EIF2B5: variants seen among roughly 807,000 people sequenced by gnomAD.
EIF2B5 encodes translation initiation factor eIF2B subunit epsilon.
In EIF2B5, 38 loss-of-function variants were observed where a neutral mutation model predicts 87.3. The ratio of observed to expected loss-of-function variants is 0.44; its 90% confidence interval spans 0.34 to 0.57. The LOEUF (loss-of-function observed/expected upper bound fraction) is 0.57. Ranked by LOEUF, EIF2B5 falls within the 20% of genes least tolerant of loss-of-function variation. EIF2B5 has a pLI of 0.02. For missense variants in EIF2B5, 784 were observed against 909.5 expected (o/e 0.86, Z 1.78); for synonymous variants, 313 against 339.6 (o/e 0.92, Z 0.86).
chr3:184,144,289 G>A, intron 14 of EIF2B5, 65 bp downstream of exon 14: 1 of 1,608,412 alleles, frequency 6.2e-7, no homozygotes, highest in Non-Finnish European at 8.5e-7. Context: ...TGACCCCCTT[G>A]GGAGACATAA....
At chr3:184,144,754 A>T (rs1367327007) in intron 15 of EIF2B5, 47 bp downstream of exon 15, 1 of 1,594,244 alleles carries the variant, frequency 6.3e-7, no homozygotes, top group Non-Finnish European at 8.6e-7. Flanking sequence ...TCTCATTCCC[A>T]GGTCCTGGCC....
chr3:184,143,576 A>G lies in EIF2B5; in HGVS notation c.1869+11A>G. 5 of 1,614,152 alleles carry G rather than the reference A, an allele frequency of 3.1e-6. No individual in the cohort carries two copies. The highest frequency in any genetic ancestry group is 4.2e-6 in the Non-Finnish European group (5 of 1,180,020). On this transcript the variant is annotated intron_variant, in intron 13 of 15. Transcript: ENST00000648915. ...GCCCTGCTGCTTCCTGTGAGCAAAGATTGGAGCTGAGTACAAGGGATTGGG... is the reference window on the plus strand; with the variant it reads ...GCCCTGCTGCTTCCTGTGAGCAAAGGTTGGAGCTGAGTACAAGGGATTGGG...
At chr3:184,141,364 T>C (rs1713627436) in intron 7 of EIF2B5, among the ~76,000 whole-genome samples, 1 of 151,716 alleles carries the variant, frequency 6.6e-6, no homozygotes, top group Non-Finnish European at 1.5e-5. Flanking sequence ...AGCCCAGGAG[T>C]TCAAGACCAG....
rs1687210 is a variant in EIF2B5, at chr3:184,144,870, C to T, written c.2107-14C>T. 6.2e-6 allele frequency: 10 copies of T among 1,613,322 alleles called. No homozygotes were observed. Among genetic ancestry groups the T allele is most frequent in the African/African-American group, 1.3e-5 (1 of 74,896 alleles). Reference sequence around the variant, plus strand: ...GCACCTCCCCCAGCCGATCTCTCCTCTGCTTCTTTACAGCTGCAGAGGTTC... The same window carrying T: ...GCACCTCCCCCAGCCGATCTCTCCTTTGCTTCTTTACAGCTGCAGAGGTTC... On this transcript the variant is annotated splice_polypyrimidine_tract_variant and intron_variant, in intron 15 of 15. Transcript: ENST00000648915.
At position 184,137,941 on chromosome 3, in the gene EIF2B5, A is replaced by G. The variant is rs1282408410; in HGVS notation, c.550A>G (p.Ile184Val). The G allele has an allele frequency of 2.5e-6, 4 of 1,614,184 alleles. No homozygotes were observed. The highest frequency in any genetic ancestry group is 3.4e-6 in the Non-Finnish European group (4 of 1,180,040). Residue 184 changes from isoleucine to valine, a missense_variant, in exon 4 of 16, where the codon ATC becomes GTC. Around this residue, in one of 3 missense-constraint regions of EIF2B5, gnomAD observed 660 missense variants for 789.5 expected, o/e 0.84. Coordinates refer to ENST00000648915, the MANE Select transcript of EIF2B5 (RefSeq NM_003907.3). ...AAAAAATGTTTCTGTGATGACGATG[A>G]TCTTCAAGGAGTCATCCCCCAGCCA... ...LEKNVSVMTMIFKESSPSHPT... is the reference protein window; with the variant it reads ...LEKNVSVMTMVFKESSPSHPT...
intron 7 of EIF2B5, among the ~76,000 whole-genome samples, chr3:184,141,671 A>C (rs947216449): frequency 2.0e-5 from 3 of 152,122 alleles, no homozygotes; most frequent in African/African-American, 7.2e-5. Flanking sequence ...TTTTGAGTTC[A>C]GAGGGTCCCC....
chr3:184,143,848 C>A (rs1713747467), intron 13 of EIF2B5: 4 of 683,158 alleles, frequency 5.9e-6, no homozygotes, highest in Non-Finnish European at 2.5e-6. Context: ...TTTGACCCAA[C>A]ACAAGATCAG....
chr3:184,140,257 TAGGA>T, intron 6 of EIF2B5, 100 bp downstream of exon 6: 1 of 1,439,000 alleles, frequency 6.9e-7, no homozygotes, highest in Non-Finnish European at 9.7e-7. Flanking sequence ...TATTGAGGCT[TAGGA>T]GGGAGGAAAA....
In EIF2B5 at chr3:184,144,498, G is replaced by T. The variant is rs898079092; in HGVS notation, c.1996-99G>T. The T allele has an allele frequency of 2.6e-6, 3 of 1,165,972 alleles. No homozygotes were observed. In the African/African-American group the frequency reaches 4.6e-5, roughly 18 times the overall value. The allele number at this position is 1,165,972 out of a possible 1,614,324, so 72.2% of individuals were successfully genotyped here. A position where few individuals can be genotyped will look rare whatever the true frequency, so the allele number is the denominator to read the frequency against. On this transcript the variant is annotated intron_variant, in intron 14 of 15. Coordinates refer to ENST00000648915, the MANE Select transcript of EIF2B5 (RefSeq NM_003907.3). Reference sequence around the variant, plus strand: ...GAACAGCTCACTCTTGTCCGTTTTGGAGGAGGCTACTCAGTGCATAGAGGG... The same window carrying T: ...GAACAGCTCACTCTTGTCCGTTTTGTAGGAGGCTACTCAGTGCATAGAGGG...
intron 7 of EIF2B5, among the ~76,000 whole-genome samples, chr3:184,141,467 G>T (rs1202022116): frequency 6.6e-6 from 1 of 152,136 alleles, no homozygotes; most frequent in East Asian, 1.9e-4. Context: ...TATTCGGGAG[G>T]CTGAGGCAGG....
intron 13 of EIF2B5, 172 bp from the exon 14 acceptor site, chr3:184,143,927 A>G: frequency 9.8e-7 from 1 of 1,015,924 alleles, no homozygotes; most frequent in South Asian, 1.4e-5. Context: ...TTCCCTAAGG[A>G]ATCTCTTTTT....
intron 7 of EIF2B5, among the ~76,000 whole-genome samples, chr3:184,141,653 A>G (rs1450036093): frequency 6.6e-6 from 1 of 152,120 alleles, no homozygotes; most frequent in Non-Finnish European, 1.5e-5. Context: ...TATGATTCTA[A>G]TAAGGTTTTT....
Position 184,142,260 on chromosome 3 carries a change from G to A in EIF2B5, c.1326G>A (p.Thr442=), listed in dbSNP as rs374000708. The A allele has an allele frequency of 4.3e-5, 70 of 1,613,850 alleles. No individual in the cohort carries two copies. Among genetic ancestry groups the A allele is most frequent in the Non-Finnish European group, 5.4e-5 (64 of 1,180,010 alleles). ...AGGTGGTCGTGGGCCCAAATATCAC[G>A]CTGCCTGAGGGCTCGGTGATCTCTT... ...TSQVVVGPNI[T]LPEGSVISLH... The change falls in exon 9 of 16, where the codon ACG becomes ACA. Residue 442 remains threonine, a synonymous_variant. Transcript: ENST00000648915. The surrounding 1 kb of genome is among the most constrained non-coding windows in gnomAD (Gnocchi z 5.0).
intron 2 of EIF2B5, chr3:184,137,126 C>T (rs1157568709): frequency 2.9e-6 from 1 of 345,306 alleles, no homozygotes; most frequent in Non-Finnish European, 5.5e-6. Context: ...TCTTTGTATT[C>T]CCACTGCCTA....
chr3:184,138,335 T>G (rs1032532201), intron 5 of EIF2B5, 89 bp downstream of exon 5: 23 of 1,156,848 alleles, frequency 2.0e-5, no homozygotes, highest in Non-Finnish European at 3.0e-5. Context: ...GGTATATTTC[T>G]TCTCCCTGTT....
At chr3:184,139,206 G>C (rs181688160) in intron 5 of EIF2B5, among the ~76,000 whole-genome samples, 29 of 151,704 alleles carry the variant, frequency 1.9e-4, no homozygotes, top group African/African-American at 7.0e-4. Flanking sequence ...CCTGACCTCA[G>C]GTGATCCTCC....
At position 184,142,271 on chromosome 3, in the gene EIF2B5, G is replaced by A. The variant is rs768960721; in HGVS notation, c.1337G>A (p.Gly446Asp). The A allele has an allele frequency of 1.2e-6, 2 of 1,614,118 alleles. No individual in the cohort carries two copies. Among genetic ancestry groups the A allele is most frequent in the African/African-American group, 1.3e-5 (1 of 75,010 alleles). Residue 446 changes from glycine (G) to aspartate (D), a missense_variant, in exon 9 of 16, where the codon GGC (glycine) becomes GAC (aspartate). Around this residue, in one of 3 missense-constraint regions of EIF2B5, gnomAD observed 660 missense variants for 789.5 expected, o/e 0.84. Transcript: ENST00000648915. The surrounding 1 kb of genome is among the most constrained non-coding windows in gnomAD (Gnocchi z 5.0). The stretch of plus-strand genomic sequence containing the variant: ...GGCCCAAATATCACGCTGCCTGAGG[G>A]CTCGGTGATCTCTTTGCACCCTCCA... ...VVGPNITLPE[G>D]SVISLHPPDA...
rs1713680690 is a variant in EIF2B5 at position 184,142,437 on chromosome 3, G to C, written c.1444+59G>C. On this transcript the variant is annotated intron_variant, in intron 9 of 15. Coordinates refer to ENST00000648915, the MANE Select transcript of EIF2B5 (RefSeq NM_003907.3). This position sits in a 1 kb window ranked among gnomAD's most constrained non-coding sequence, Gnocchi z 5.0. ...GTCTCGCTGCCTCATAGAAGAACCA[G>C]TGTTTCCTCCTGGAGGGATTGGTGC... 1 of 1,614,084 alleles carries C rather than the reference G, an allele frequency of 6.2e-7. No homozygotes were observed.
At position 184,143,103 on chromosome 3, in the gene EIF2B5, T is replaced by C; in HGVS notation, c.1706T>C (p.Ile569Thr). 6.2e-7 allele frequency: 1 copy of C among 1,613,976 alleles called. No homozygotes were observed. Among genetic ancestry groups the C allele is most frequent in the Non-Finnish European group, 8.5e-7 (1 of 1,179,948 alleles). The change falls in exon 12 of 16, where the codon ATT becomes ACT. Residue 569 changes from isoleucine to threonine, a missense_variant. Around this residue, in one of 3 missense-constraint regions of EIF2B5, gnomAD observed 660 missense variants for 789.5 expected, o/e 0.84. Transcript: ENST00000648915. ...GTLQRGKEEN[I>T]SCDNLVLEIN... ...CTACAGCGGGGCAAAGAGGAGAACATTTCTTGTGACAATCTCGTCCTGGAA... is the reference window on the plus strand; with the variant it reads ...CTACAGCGGGGCAAAGAGGAGAACACTTCTTGTGACAATCTCGTCCTGGAA...
Sources: gnomAD v4.1 joint callset for allele counts (sites outside exome capture counted in the v4.1 genomes callset) on GRCh38, gnomAD v4.1.1 for gene constraint, gnomAD v4.1.1 regional missense constraint, Gnocchi (gnomAD v3.1) non-coding constraint, MANE v1.5 for transcripts, NCBI Gene and HGNC (gene_info 2026-07-23, HGNC 2026-07-21) for gene names.